ARB2A: variants seen among roughly 807,000 people sequenced by gnomAD.
ARB2A encodes cotranscriptional regulator ARB2A.
At chr5:93,699,397 T>C in the ARB2A span, among the ~76,000 whole-genome samples, 1 of 152,194 alleles carries the variant, frequency 6.6e-6, no homozygotes, top group South Asian at 2.1e-4. Context: ...AAGACTATTT[T>C]TGTCTAAAAA....
At chr5:93,913,528 G>A in the ARB2A span, among the ~76,000 whole-genome samples, 2 of 151,852 alleles carry the variant, frequency 1.3e-5, no homozygotes, top group South Asian at 2.1e-4. Context: ...AGCATGAGCC[G>A]AATGAAAAAC....
At chr5:93,884,359 T>C in the ARB2A span, among the ~76,000 whole-genome samples, 2 of 151,660 alleles carry the variant, frequency 1.3e-5, no homozygotes. Context: ...AAATTTGATA[T>C]GTTCCATGTA....
chr5:93,761,055 G>T, the ARB2A span, among the ~76,000 whole-genome samples: 1 of 152,086 alleles, frequency 6.6e-6, no homozygotes, highest in African/African-American at 2.4e-5. Context: ...AAATCAGTAA[G>T]GAAAAAACAA....
chr5:93,709,331 T>C, the ARB2A span, among the ~76,000 whole-genome samples: 1 of 151,774 alleles, frequency 6.6e-6, no homozygotes, highest in Non-Finnish European at 1.5e-5. Flanking sequence ...ATGATATTGG[T>C]TAAAGAAAAT....
the ARB2A span, among the ~76,000 whole-genome samples, chr5:94,029,715 C>G: frequency 1.3e-5 from 2 of 152,178 alleles, no homozygotes; most frequent in East Asian, 1.9e-4. Flanking sequence ...TTCCAATAAA[C>G]CTTGAGGTGA....
the ARB2A span, among the ~76,000 whole-genome samples, chr5:93,752,143 C>A: frequency 6.6e-6 from 1 of 152,042 alleles, no homozygotes; most frequent in Non-Finnish European, 1.5e-5. Flanking sequence ...GGGCAGTGAA[C>A]CAGATAGAGC....
chr5:93,938,110 C>CA, the ARB2A span, among the ~76,000 whole-genome samples: 1 of 152,022 alleles, frequency 6.6e-6, no homozygotes, highest in African/African-American at 2.4e-5. Context: ...TTGAGCATCA[C>CA]AAAAAATACA....
At chr5:94,086,397 A>G in the ARB2A span, among the ~76,000 whole-genome samples, 1 of 152,234 alleles carries the variant, frequency 6.6e-6, no homozygotes, top group Non-Finnish European at 1.5e-5. Context: ...CATAGCTGGC[A>G]TAACATCATG....
the ARB2A span, among the ~76,000 whole-genome samples, chr5:94,087,625 G>A: frequency 6.6e-6 from 1 of 152,116 alleles, no homozygotes; most frequent in African/African-American, 2.4e-5. Flanking sequence ...ATACAGTAAT[G>A]TCCTAGGCCT....
the ARB2A span, among the ~76,000 whole-genome samples, chr5:94,044,255 TTATTTTGC>T: frequency 6.6e-6 from 1 of 152,222 alleles, no homozygotes; most frequent in Admixed American, 6.5e-5. Flanking sequence ...ATAATTTTAC[TTATTTTGC>T]TTTACTGTTG....
At chr5:93,937,095 G>A in the ARB2A span, among the ~76,000 whole-genome samples, 4 of 151,682 alleles carry the variant, frequency 2.6e-5, no homozygotes, top group East Asian at 2.0e-4. Flanking sequence ...GGATGGTCTC[G>A]ATCTCCTGAC....
the ARB2A span, among the ~76,000 whole-genome samples, chr5:93,808,088 C>A: frequency 2.0e-5 from 3 of 151,942 alleles, no homozygotes; most frequent in African/African-American, 7.3e-5. Flanking sequence ...AGGGAACATG[C>A]GCAATAGATC....
At chr5:94,023,284 A>G in the ARB2A span, among the ~76,000 whole-genome samples, 1 of 152,234 alleles carries the variant, frequency 6.6e-6, no homozygotes, top group Non-Finnish European at 1.5e-5. Context: ...TGGCAGACCC[A>G]TATCACTATC....
At chr5:93,801,191 C>A in the ARB2A span, among the ~76,000 whole-genome samples, 1 of 152,134 alleles carries the variant, frequency 6.6e-6, no homozygotes, top group African/African-American at 2.4e-5. Context: ...CATCACTGGG[C>A]AAACTTGCCC....
At chr5:93,637,178 T>C in the ARB2A span, among the ~76,000 whole-genome samples, 164 of 152,338 alleles carry the variant, frequency 1.1e-3, no homozygotes, top group Admixed American at 1.8e-3. Context: ...TCATACACCA[T>C]GTAAACTTTT....
chr5:93,795,983 A>C, the ARB2A span, among the ~76,000 whole-genome samples: 40 of 152,166 alleles, frequency 2.6e-4, no homozygotes, highest in Non-Finnish European at 5.1e-4. Flanking sequence ...TTCAAAACTA[A>C]ATGCATCTAA....
the ARB2A span, among the ~76,000 whole-genome samples, chr5:93,756,980 A>G: frequency 6.6e-6 from 1 of 152,164 alleles, no homozygotes; most frequent in Non-Finnish European, 1.5e-5. Context: ...AAAAAATGAT[A>G]TAAGAAGTGA....
chr5:93,760,862 A>G, the ARB2A span, among the ~76,000 whole-genome samples: 1 of 152,240 alleles, frequency 6.6e-6, no homozygotes. Context: ...CATGACCAAG[A>G]ACCCAAAAGC....
chr5:93,898,272 TTTTTG>T, the ARB2A span, among the ~76,000 whole-genome samples: 40 of 152,178 alleles, frequency 2.6e-4, no homozygotes, highest in African/African-American at 4.1e-4. Context: ...CCTTACTATC[TTTTTG>T]TTTTGTTTTG....
Sources: allele counts gnomAD v4.1 joint callset (sites outside exome capture counted in the v4.1 genomes callset), GRCh38; gene constraint gnomAD v4.1.1; transcripts MANE v1.5; gene names NCBI Gene and HGNC (gene_info 2026-07-23, HGNC 2026-07-21).